The following PCDHA12 variants were observed in gnomAD, a reference collection of about 807,000 sequenced individuals.
The protein encoded by PCDHA12 is protocadherin alpha 12.
A neutral mutation model predicts 60.0 loss-of-function variants in PCDHA12; 44 were observed. That is an observed-to-expected ratio of 0.73 (90% confidence interval 0.58 to 0.94). The LOEUF (loss-of-function observed/expected upper bound fraction) is 0.94, where lower values mean the gene tolerates loss of function less well. PCDHA12 is among the 40% of genes least tolerant of loss of function. The pLI is 0.00. For synonymous variants in PCDHA12, 569 were observed against 553.0 expected (o/e 1.03, Z -0.40); for missense variants, 1,276 against 1,239.7 (o/e 1.03, Z -0.44).
At chr5:140,944,823 C>T (rs1246814273) in intron 1 of PCDHA12, among the ~76,000 whole-genome samples, 1 of 152,148 alleles carries the variant, frequency 6.6e-6, no homozygotes, top group Non-Finnish European at 1.5e-5. Context: ...ATCTTTGCCC[C>T]ATAATTGTAA....
intron 1 of PCDHA12, chr5:140,929,773 G>A (rs554286771): frequency 5.8e-6 from 1 of 173,032 alleles, no homozygotes; most frequent in East Asian, 1.8e-4. Context: ...AACCACAAAA[G>A]ATGTAAAAAT....
chr5:140,907,164 G>T (rs1554192895), intron 1 of PCDHA12, among the ~76,000 whole-genome samples: 2 of 152,098 alleles, frequency 1.3e-5, no homozygotes, highest in Non-Finnish European at 2.9e-5. Context: ...ACCATATATT[G>T]GATGCTGATT....
chr5:140,935,563 C>T (rs1554210554), intron 1 of PCDHA12, among the ~76,000 whole-genome samples: 1 of 152,176 alleles, frequency 6.6e-6, no homozygotes. Context: ...GGAAAAGTTC[C>T]TCTCTGTGTA....
chr5:140,972,218 C>A (rs367920234), intron 1 of PCDHA12, among the ~76,000 whole-genome samples: 129 of 152,040 alleles, frequency 8.5e-4, no homozygotes, highest in Middle Eastern at 3.4e-3. Flanking sequence ...TGGCTCACTG[C>A]AGCCTCGACC....
intron 1 of PCDHA12, among the ~76,000 whole-genome samples, chr5:140,951,868 G>A (rs1325001328): frequency 2.6e-5 from 4 of 152,132 alleles, no homozygotes; most frequent in African/African-American, 9.7e-5. Flanking sequence ...AGTCTCATCT[G>A]AGACAAGGCA....
In PCDHA12 at chr5:140,876,398, A is replaced by G. The variant is rs782094508; in HGVS notation, c.926A>G (p.Asp309Gly). The change falls in exon 1 of 4, where the codon GAT becomes GGT. Residue 309 changes from aspartate (D) to glycine (G), a missense_variant. Coordinates refer to ENST00000398631, the MANE Select transcript of PCDHA12 (RefSeq NM_018903.4). ...GAAATTAGAATTTATGGTGAACTGGATTTTGAAGAGAATAATGCCTATGAA... is the reference window on the plus strand; with the variant it reads ...GAAATTAGAATTTATGGTGAACTGGGTTTTGAAGAGAATAATGCCTATGAA... ...TGEIRIYGEL[D>G]FEENNAYEIQ... The G allele has an allele frequency of 6.2e-7, 1 of 1,613,962 alleles. No individual in the cohort carries two copies. Among genetic ancestry groups the G allele is most frequent in the Non-Finnish European group, 8.5e-7 (1 of 1,179,900 alleles).
At chr5:140,953,952 C>G (rs1025145135) in intron 1 of PCDHA12, among the ~76,000 whole-genome samples, 1 of 152,084 alleles carries the variant, frequency 6.6e-6, no homozygotes, top group Non-Finnish European at 1.5e-5. Flanking sequence ...GCTCCCCCAA[C>G]AGGCCCCAGT....
chr5:140,918,111 C>T (rs1035723043), intron 1 of PCDHA12, among the ~76,000 whole-genome samples: 1 of 152,016 alleles, frequency 6.6e-6, no homozygotes, highest in Non-Finnish European at 1.5e-5. Flanking sequence ...CTTTCACATC[C>T]TTGATTAGCC....
At chr5:140,908,041 G>T (rs2073758972) in intron 1 of PCDHA12, among the ~76,000 whole-genome samples, 1 of 152,112 alleles carries the variant, frequency 6.6e-6, no homozygotes, top group Non-Finnish European at 1.5e-5. Context: ...GTATATAATT[G>T]CACATCCGGC....
chr5:140,884,734 C>A (rs1198575388), intron 1 of PCDHA12: 5 of 1,445,332 alleles, frequency 3.5e-6, no homozygotes, highest in Non-Finnish European at 4.6e-6. Flanking sequence ...TTTAAGACAT[C>A]TTTCCTGCCA....
chr5:140,981,489 G>A (rs1554242906), intron 2 of PCDHA12, among the ~76,000 whole-genome samples: 1 of 152,194 alleles, frequency 6.6e-6, no homozygotes, highest in Non-Finnish European at 1.5e-5. Flanking sequence ...CAGGAGAATT[G>A]CTTGAACCTG....
chr5:140,897,409 A>G (rs945260120), intron 1 of PCDHA12, among the ~76,000 whole-genome samples: 16 of 140,532 alleles, frequency 1.1e-4, no homozygotes, highest in Non-Finnish European at 1.7e-4. Flanking sequence ...TCATTGTTCA[A>G]TTCCCATCTA....
At chr5:140,936,875 C>A (rs1052156307) in intron 1 of PCDHA12, among the ~76,000 whole-genome samples, 1 of 151,950 alleles carries the variant, frequency 6.6e-6, no homozygotes, top group South Asian at 2.1e-4. Context: ...TTTAAAAAAC[C>A]CTGCTTTGAT....
chr5:140,882,475 AAGAC>A (rs2059154037), intron 1 of PCDHA12: 1 of 1,613,902 alleles, frequency 6.2e-7, no homozygotes, highest in Non-Finnish European at 8.5e-7. Flanking sequence ...TGGCGTCCAA[AAGAC>A]ACGGGGACCT....
At chr5:140,884,820 T>A (rs1318105542) in intron 1 of PCDHA12, 2 of 1,013,184 alleles carry the variant, frequency 2.0e-6, no homozygotes, top group Non-Finnish European at 2.8e-6. Context: ...GTGGACATTA[T>A]GTGTTGGATT....
At position 140,875,859 on chromosome 5, in the gene PCDHA12, C is replaced by G. The variant is rs1381473536; in HGVS notation, c.387C>G (p.Asn129Lys). ...TGGAGGTGAAGGACATTAACGACAACCCGCCGGTGTTCAGAGAAAGGGAAC... is the reference window on the plus strand; with the variant it reads ...TGGAGGTGAAGGACATTAACGACAAGCCGCCGGTGTTCAGAGAAAGGGAAC... ...VDVEVKDIND[N>K]PPVFREREQK... Residue 129 changes from asparagine (N) to lysine (K), a missense_variant, in exon 1 of 4, where the codon AAC becomes AAG. Asn to Lys is a moderately conservative substitution (Grantham distance 94). Transcript: ENST00000398631. The G allele has an allele frequency of 6.2e-7, 1 of 1,614,038 alleles. No homozygotes were observed. Among genetic ancestry groups the G allele is most frequent in the Non-Finnish European group, 8.5e-7 (1 of 1,180,030 alleles).
intron 1 of PCDHA12, among the ~76,000 whole-genome samples, chr5:140,953,839 A>G (rs2094940958): frequency 6.6e-6 from 1 of 152,192 alleles, no homozygotes; most frequent in African/African-American, 2.4e-5. Flanking sequence ...TTTGTTACCC[A>G]GGTAAACATG....
chr5:140,900,370 T>G (rs983806569), intron 1 of PCDHA12, among the ~76,000 whole-genome samples: 18 of 152,236 alleles, frequency 1.2e-4, no homozygotes, highest in African/African-American at 4.1e-4. Context: ...CTCTGCCTCC[T>G]GGGTTCAAGC....
At chr5:140,922,023 T>C (rs1333266712) in intron 1 of PCDHA12, among the ~76,000 whole-genome samples, 3 of 152,086 alleles carry the variant, frequency 2.0e-5, no homozygotes, top group African/African-American at 7.2e-5. Context: ...AAAATAAATA[T>C]AAAAAATGTA....
Sources: allele counts gnomAD v4.1 joint callset (sites outside exome capture counted in the v4.1 genomes callset), GRCh38; gene constraint gnomAD v4.1.1; transcripts MANE v1.5; gene names NCBI Gene and HGNC (gene_info 2026-07-23, HGNC 2026-07-21).